The following FHIT variants were observed in gnomAD, a reference collection of about 807,000 sequenced individuals.
FHIT encodes the protein fragile histidine triad diadenosine triphosphatase, also known as bis(5'-adenosyl)-triphosphatase.
Under a neutral mutation model 17.9 loss-of-function variants are expected in FHIT, and 19 were observed. The ratio of observed to expected loss-of-function variants is 1.06; its 90% CI spans 0.74 to 1.56. FHIT has a LOEUF of 1.56. Ranked by LOEUF, FHIT falls within the 40% of genes most tolerant of loss-of-function variation. FHIT has a pLI of 0.00. For synonymous variants in FHIT, 81 were observed against 69.7 expected (o/e 1.16, Z -0.81); for missense variants, 248 against 189.2 (o/e 1.31, Z -1.82).
chr3:60,444,288 G>A lies in FHIT; in HGVS notation c.103+92572C>T, dbSNP rs368890687. 2.7e-3 allele frequency among the ~76,000 whole-genome samples: 415 copies of A among 152,230 alleles called. 4 individuals are homozygous for A. Among genetic ancestry groups the A allele is most frequent in the African/African-American group, 9.7e-3 (402 of 41,540 alleles). On this transcript the variant is annotated intron_variant, in intron 5 of 9. Transcript: ENST00000492590. ...AACCACTGTGGAAGTCAGTGTGGCGGTTCCTCAGGGATCTAGAACTAGAAA... is the reference window on the plus strand; with the variant it reads ...AACCACTGTGGAAGTCAGTGTGGCGATTCCTCAGGGATCTAGAACTAGAAA...
At chr3:61,100,749 A>G (rs749358887) in intron 2 of FHIT, among the ~76,000 whole-genome samples, 1 of 152,196 alleles carries the variant, frequency 6.6e-6, no homozygotes, top group Non-Finnish European at 1.5e-5. Flanking sequence ...AATAATTGCC[A>G]TTCTAACTGG....
In FHIT at chr3:60,323,857, C is replaced by G. The variant is rs181723387; in HGVS notation, c.103+213003G>C. Among the ~76,000 whole-genome samples the G allele has an allele frequency of 1.2e-3, 187 of 152,254 alleles. 1 individual carries two copies. The highest frequency in any genetic ancestry group is 2.4e-3 in the Admixed American group (37 of 15,288). On this transcript the variant is annotated intron_variant, in intron 5 of 9. Transcript: ENST00000492590. ...CTGAGGCTCTGAGCCTGGGGCCTGC[C>G]CACGCTTTGTTATAAGGAAGATTAG...
intron 5 of FHIT, among the ~76,000 whole-genome samples, chr3:60,184,241 G>C (rs996400762): frequency 2.2e-4 from 33 of 151,912 alleles, no homozygotes; most frequent in African/African-American, 6.3e-4. Flanking sequence ...TGGCCTCTGA[G>C]ACATTACTAT....
intron 5 of FHIT, among the ~76,000 whole-genome samples, chr3:60,286,122 C>T (rs114869851): frequency 0.037 from 5,691 of 152,236 alleles, 116 homozygotes; most frequent in Middle Eastern, 0.048. Context: ...CTACTCTATT[C>T]TCTATCCTAG....
chr3:61,072,819 A>T (rs1482135844), intron 2 of FHIT, among the ~76,000 whole-genome samples: 1 of 152,208 alleles, frequency 6.6e-6, no homozygotes, highest in African/African-American at 2.4e-5. Context: ...AAAAAATAAA[A>T]AAAAGTCTTT....
chr3:60,783,151 CA>C (rs1344361182), intron 4 of FHIT, among the ~76,000 whole-genome samples: 1 of 111,554 alleles, frequency 9.0e-6, no homozygotes, highest in South Asian at 4.0e-4. Flanking sequence ...CTAATTTTTG[CA>C]TTTTTTTTTT....
intron 5 of FHIT, among the ~76,000 whole-genome samples, chr3:60,122,353 G>C (rs910595214): frequency 2.6e-5 from 4 of 152,118 alleles, no homozygotes; most frequent in Non-Finnish European, 5.9e-5. Flanking sequence ...AATTTGTGTT[G>C]AATCCCGGCC....
intron 1 of FHIT, among the ~76,000 whole-genome samples, chr3:61,241,283 T>C (rs767244867): frequency 4.6e-5 from 7 of 152,182 alleles, no homozygotes; most frequent in Non-Finnish European, 7.3e-5. Context: ...GTTCCAACCC[T>C]TCCCTCCACC....
At chr3:61,067,014 G>C (rs573287702) in intron 2 of FHIT, among the ~76,000 whole-genome samples, 2 of 152,184 alleles carry the variant, frequency 1.3e-5, no homozygotes, top group South Asian at 4.1e-4. Context: ...ATGCTTGTGC[G>C]TGGGCTGGGA....
chr3:60,160,218 G>A (rs1330273090), intron 5 of FHIT, among the ~76,000 whole-genome samples: 2 of 151,952 alleles, frequency 1.3e-5, no homozygotes, highest in Non-Finnish European at 2.9e-5. Context: ...AGGAAGAGAG[G>A]GAAGAGGAAA....
chr3:60,900,704 A>G (rs1015371240), intron 3 of FHIT, among the ~76,000 whole-genome samples: 1 of 152,172 alleles, frequency 6.6e-6, no homozygotes, highest in African/African-American at 2.4e-5. Context: ...ACAATATTAA[A>G]TGTAAATATT....
At chr3:59,967,216 G>GA (rs1294078732) in intron 7 of FHIT, among the ~76,000 whole-genome samples, 14 of 152,026 alleles carry the variant, frequency 9.2e-5, no homozygotes, top group African/African-American at 3.1e-4. Flanking sequence ...AATAGTCCCT[G>GA]AAGGACCTGC....
intron 5 of FHIT, among the ~76,000 whole-genome samples, chr3:60,359,982 T>C (rs906910660): frequency 1.1e-4 from 7 of 65,534 alleles, no homozygotes; most frequent in Non-Finnish European, 2.3e-4. Context: ...CATTCAAGAC[T>C]TTTTTTTTTT....
chr3:60,104,299 T>G (rs1201234905), intron 5 of FHIT, among the ~76,000 whole-genome samples: 4 of 152,176 alleles, frequency 2.6e-5, no homozygotes, highest in African/African-American at 9.6e-5. Flanking sequence ...AACTCTGTGC[T>G]AGAACCTGCT....
At chr3:60,335,478 C>T (rs1710190027) in intron 5 of FHIT, among the ~76,000 whole-genome samples, 1 of 152,166 alleles carries the variant, frequency 6.6e-6, no homozygotes, top group Non-Finnish European at 1.5e-5. Flanking sequence ...CATGGGCAAA[C>T]AACCCACATA....
rs112248125 is a variant in FHIT at position 59,811,789 on chromosome 3, C to G, written c.349-59468G>C. ...GGTTTTCATTTTAATGGCGCACTTA[C>G]TGCCACTGTGATAGCCACATTTGGA... is the stretch of plus-strand genomic sequence containing the variant. On this transcript the variant is annotated intron_variant, in intron 8 of 9. Coordinates refer to ENST00000492590, the MANE Select transcript of FHIT (RefSeq NM_002012.4). Among the ~76,000 whole-genome samples the G allele has an allele frequency of 5.0e-3, 755 of 152,280 alleles. 1 individual carries two copies. The highest frequency in any genetic ancestry group is 0.017 in the African/African-American group (709 of 41,562).
chr3:61,052,504 C>A (rs1251978724), intron 2 of FHIT, among the ~76,000 whole-genome samples: 1 of 152,164 alleles, frequency 6.6e-6, no homozygotes, highest in Non-Finnish European at 1.5e-5. Flanking sequence ...AGCATTGTTC[C>A]TGCCAACCAC....
At chr3:60,971,845 C>G (rs1347879824) in intron 3 of FHIT, among the ~76,000 whole-genome samples, 1 of 152,018 alleles carries the variant, frequency 6.6e-6, no homozygotes, top group Non-Finnish European at 1.5e-5. Flanking sequence ...AGCAGGAATC[C>G]TATTATCAAG....
rs1710520085 is a variant in FHIT at position 60,341,605 on chromosome 3, T to C, written c.103+195255A>G. ...TCCTGCTCTCCCTCTTGATTTTTTT[T>C]TTAATAGACTGAAGGTAGGAAATGC... On this transcript the variant is annotated intron_variant, in intron 5 of 9. Transcript: ENST00000492590. 2.0e-5 allele frequency among the ~76,000 whole-genome samples: 3 copies of C among 152,288 alleles called. No individual in the cohort carries two copies. In the South Asian group the frequency reaches 6.2e-4, roughly 32 times the overall value.
Sources: gnomAD v4.1 joint callset for allele counts (sites outside exome capture counted in the v4.1 genomes callset) on GRCh38, gnomAD v4.1.1 for gene constraint, MANE v1.5 for transcripts, NCBI Gene and HGNC (gene_info 2026-07-23, HGNC 2026-07-21) for gene names.